The following MDGA2 variants were observed in gnomAD, a reference collection of about 807,000 sequenced individuals.
MDGA2 encodes MAM domain containing glycosylphosphatidylinositol anchor 2.
A neutral mutation model predicts 117.8 loss-of-function variants in MDGA2; 40 were observed. The ratio of observed to expected loss-of-function variants is 0.34; its 90% CI spans 0.26 to 0.44. MDGA2 has a LOEUF of 0.44. Ranked by LOEUF, MDGA2 falls within the 20% of genes least tolerant of loss-of-function variation. The pLI is 1.00. For synonymous variants in MDGA2, 452 were observed against 439.0 expected (o/e 1.03, Z -0.37); for missense variants, 1,123 against 1,250.6 (o/e 0.90, Z 1.54).
intron 10 of MDGA2, among the ~76,000 whole-genome samples, chr14:46,900,731 A>G (rs943954821): frequency 2.6e-5 from 4 of 152,188 alleles, no homozygotes; most frequent in Non-Finnish European, 5.9e-5. Context: ...CAGGGAGTCT[A>G]CGGTGATGAT....
intron 1 of MDGA2, among the ~76,000 whole-genome samples, chr14:47,445,264 A>T (rs1228475072): frequency 6.6e-6 from 1 of 152,182 alleles, no homozygotes; most frequent in East Asian, 1.9e-4. Flanking sequence ...AGGAGGAAGA[A>T]GAAAGAAAGA....
intron 1 of MDGA2, among the ~76,000 whole-genome samples, chr14:47,321,960 A>G (rs1889992772): frequency 1.3e-5 from 2 of 152,224 alleles, no homozygotes; most frequent in Non-Finnish European, 2.9e-5. Context: ...AACTGTATAA[A>G]ACATTCCACT....
In MDGA2 at chr14:47,629,897, C is replaced by G. The variant is rs540738691; in HGVS notation, c.280+44620G>C. On this transcript the variant is annotated intron_variant, in intron 1 of 16. Transcript: ENST00000399232. ...AAAGGATCTCATTAAAATGCAGATT[C>G]TAATTCCGGGGGTCTGTGGTGAGCC... Among the ~76,000 whole-genome samples the G allele has an allele frequency of 3.9e-5, 6 of 152,226 alleles. No homozygotes were observed. In the South Asian group the frequency reaches 1.2e-3, roughly 32 times the overall value.
intron 1 of MDGA2, among the ~76,000 whole-genome samples, chr14:47,582,963 C>T (rs1896256762): frequency 6.6e-6 from 1 of 151,850 alleles, no homozygotes; most frequent in Non-Finnish European, 1.5e-5. Flanking sequence ...GTGAATGCCA[C>T]AGCACTCTCT....
At chr14:47,625,829 G>C (rs994430440) in intron 1 of MDGA2, among the ~76,000 whole-genome samples, 7 of 152,146 alleles carry the variant, frequency 4.6e-5, no homozygotes, top group Non-Finnish European at 1.0e-4. Flanking sequence ...TAGTGCTTTA[G>C]TTTTCAGAAA....
intron 1 of MDGA2, among the ~76,000 whole-genome samples, chr14:47,322,242 C>G (rs965164491): frequency 6.6e-6 from 1 of 152,098 alleles, no homozygotes; most frequent in African/African-American, 2.4e-5. Context: ...ACTTAAACAG[C>G]AGAGTAAACA....
intron 8 of MDGA2, among the ~76,000 whole-genome samples, chr14:46,982,518 G>T (rs926938063): frequency 6.6e-6 from 1 of 151,466 alleles, no homozygotes; most frequent in African/African-American, 2.4e-5. Context: ...AGACCATCCT[G>T]GCCAACATGG....
At chr14:47,326,241 C>A (rs1488116067) in intron 1 of MDGA2, among the ~76,000 whole-genome samples, 3 of 152,006 alleles carry the variant, frequency 2.0e-5, no homozygotes, top group Non-Finnish European at 4.4e-5. Context: ...AAATATACTG[C>A]TAATAAGATT....
At chr14:46,980,751 C>G (rs567783451) in intron 8 of MDGA2, among the ~76,000 whole-genome samples, 249 of 152,308 alleles carry the variant, frequency 1.6e-3, no homozygotes, top group African/African-American at 5.6e-3. Context: ...CTATGACTCA[C>G]TAAAGGTTCA....
chr14:47,103,812 G>A (rs548705140), intron 5 of MDGA2, among the ~76,000 whole-genome samples: 1 of 152,306 alleles, frequency 6.6e-6, no homozygotes, highest in South Asian at 2.1e-4. Context: ...CAACAGTGAT[G>A]AATGCCTTTA....
At chr14:47,654,330 G>T (rs1447606628) in intron 1 of MDGA2, among the ~76,000 whole-genome samples, 1 of 152,088 alleles carries the variant, frequency 6.6e-6, no homozygotes, top group Non-Finnish European at 1.5e-5. Context: ...GCCTACAGAA[G>T]TCTCCCTGTT....
chr14:47,320,712 A>G (rs1889954196), intron 1 of MDGA2, among the ~76,000 whole-genome samples: 1 of 152,178 alleles, frequency 6.6e-6, no homozygotes, highest in African/African-American at 2.4e-5. Flanking sequence ...GAAGAAGCCC[A>G]ATTTTATTGT....
chr14:47,547,437 T>G (rs1895485796), intron 1 of MDGA2, among the ~76,000 whole-genome samples: 1 of 152,202 alleles, frequency 6.6e-6, no homozygotes, highest in Admixed American at 6.5e-5. Flanking sequence ...TTTCTCCAAC[T>G]TCCTCATCTT....
chr14:47,343,274 G>A, intron 1 of MDGA2: 1 of 1,133,936 alleles, frequency 8.8e-7, no homozygotes. Context: ...TATTACATCA[G>A]GAAGGCAATG....
At chr14:47,237,220 C>G (rs541797784) in intron 2 of MDGA2, among the ~76,000 whole-genome samples, 1 of 152,110 alleles carries the variant, frequency 6.6e-6, no homozygotes, top group East Asian at 1.9e-4. Context: ...GTCCTAAAAT[C>G]TAAAACACCT....
At chr14:47,416,699 G>A (rs751422611) in intron 1 of MDGA2, among the ~76,000 whole-genome samples, 1 of 152,116 alleles carries the variant, frequency 6.6e-6, no homozygotes, top group Non-Finnish European at 1.5e-5. Context: ...GCACACGCAT[G>A]AGCTGCACCA....
At chr14:47,000,328 T>C (rs555202985) in intron 8 of MDGA2, among the ~76,000 whole-genome samples, 1 of 107,430 alleles carries the variant, frequency 9.3e-6, no homozygotes, top group East Asian at 4.2e-4. Context: ...AGTATATATA[T>C]ATATTTATAT....
chr14:47,601,575 A>G (rs1163715887), intron 1 of MDGA2, among the ~76,000 whole-genome samples: 1 of 152,204 alleles, frequency 6.6e-6, no homozygotes, highest in Non-Finnish European at 1.5e-5. Context: ...CCATTATTCA[A>G]CAGTGAAATG....
chr14:47,513,375 A>G (rs992098736), intron 1 of MDGA2, among the ~76,000 whole-genome samples: 1 of 152,120 alleles, frequency 6.6e-6, no homozygotes, highest in Non-Finnish European at 1.5e-5. Context: ...TAATATATAC[A>G]TGGGACAATT....
Sources: gnomAD v4.1 joint callset for allele counts (sites outside exome capture counted in the v4.1 genomes callset) on GRCh38, gnomAD v4.1.1 for gene constraint, MANE v1.5 for transcripts, NCBI Gene and HGNC (gene_info 2026-07-23, HGNC 2026-07-21) for gene names.